SYTL1: variants seen among roughly 807,000 people sequenced by gnomAD.
The protein encoded by SYTL1 is synaptotagmin like 1.
SYTL1 carries 53 observed loss-of-function variants against 74.6 expected under a neutral mutation model. That is an observed-to-expected ratio of 0.71 (90% CI 0.57 to 0.89). The LOEUF (loss-of-function observed/expected upper bound fraction) is 0.89, where lower values mean the gene tolerates loss of function less well. SYTL1 is among the 40% of genes least tolerant of loss of function. The probability of loss-of-function intolerance (pLI) is 0.00; values close to 1 mark genes in which losing one functional copy is unlikely to be tolerated. For missense variants in SYTL1, 728 were observed against 768.7 expected, an observed-to-expected ratio of 0.95 and a Z score of 0.63; for synonymous variants, 329 against 324.9, an observed-to-expected ratio of 1.01 and a Z score of -0.14.
chr1:27,344,265 G>A (rs1024568106), intron 1 of SYTL1, among the ~76,000 whole-genome samples: 1 of 151,980 alleles, frequency 6.6e-6, no homozygotes, highest in Non-Finnish European at 1.5e-5. Flanking sequence ...CACCATGCCC[G>A]GCTAATTTTG....
intron 1 of SYTL1, among the ~76,000 whole-genome samples, chr1:27,344,059 T>C (rs2014892111): frequency 6.6e-6 from 1 of 152,052 alleles, no homozygotes. Context: ...GCTTCCCAAG[T>C]AGCTGGAATT....
Position 27,350,214 on chromosome 1 carries a change from T to C in SYTL1, c.908+82T>C. 1 of 1,482,314 alleles carries C rather than the reference T, an allele frequency of 6.7e-7. No individual in the cohort carries two copies. Among genetic ancestry groups the C allele is most frequent in the East Asian group, 2.5e-5 (1 of 40,408 alleles). The allele number at this position is 1,482,314 out of a possible 1,614,324, so 91.8% of individuals were successfully genotyped here. ...CAGGGTCTCGGCCTCCTCGTCCTCA[T>C]CTTCAAAATGGGAACAACAGCGTTA... On this transcript the variant is annotated intron_variant, in intron 9 of 14. Coordinates refer to ENST00000616558, the MANE Select transcript of SYTL1 (RefSeq NM_001193308.2). The surrounding 1 kb of genome is among the most constrained non-coding windows in gnomAD (Gnocchi z 6.3).
chr1:27,353,732 G>A lies in SYTL1; in HGVS notation c.1569G>A (p.Gln523=). 2.5e-6 allele frequency: 4 copies of A among 1,613,884 alleles called. No homozygotes were observed. Among genetic ancestry groups the A allele is most frequent in the Non-Finnish European group, 3.4e-6 (4 of 1,179,932 alleles). The change falls in exon 15 of 15, where the codon CAG becomes CAA. Residue 523 remains glutamine (Q), a synonymous_variant. Coordinates refer to ENST00000616558, the MANE Select transcript of SYTL1 (RefSeq NM_001193308.2). ...ATCCAGGCAGCAGCTATGGGCTGCA[G>A]GTGCCCTGGATGGATTCCACACCTG... The part of the protein sequence containing the change: ...SLGTGSSYGL[Q]VPWMDSTPEE...
chr1:27,347,539 G>A lies in SYTL1; in HGVS notation c.310G>A (p.Ala104Thr). ...CCACTTCGGCTCTGACCTTGTCCGAGCGTCTATGCGCAGGAAGAAGAGCAC... is the reference window on the plus strand; with the variant it reads ...CCACTTCGGCTCTGACCTTGTCCGAACGTCTATGCGCAGGAAGAAGAGCAC... ...NAHFGSDLVR[A>T]SMRRKKSTRG... The change falls in exon 3 of 15, where the codon GCG becomes ACG. Residue 104 changes from alanine (A) to threonine (T), a missense_variant. Physicochemically the swap from Ala to Thr is moderately conservative, Grantham distance 58. Coordinates refer to ENST00000616558, the MANE Select transcript of SYTL1 (RefSeq NM_001193308.2). The surrounding 1 kb of genome is among the most constrained non-coding windows in gnomAD (Gnocchi z 4.9). 1 of 1,614,096 alleles carries A rather than the reference G, an allele frequency of 6.2e-7. No homozygotes were observed. The highest frequency in any genetic ancestry group is 8.5e-7 in the Non-Finnish European group (1 of 1,180,044).
rs991657043 is a variant in SYTL1 at position 27,345,500 on chromosome 1, C to T, written c.166C>T (p.Arg56Cys). Residue 56 changes from arginine to cysteine, a missense_variant, in exon 2 of 15, where the codon CGC (arginine) becomes TGC (cysteine). By Grantham distance (180) the Arg-to-Cys change is radical. Transcript: ENST00000616558. This position sits in a 1 kb window ranked among gnomAD's most constrained non-coding sequence, Gnocchi z 6.0. Reference protein sequence around the residue: ...AGVLQRDARLRQLEEGRVSKL... With the variant: ...AGVLQRDARLCQLEEGRVSKL... Reference sequence around the variant, plus strand: ...CGTCCTCCAACGAGATGCCCGCCTGCGCCAGCTGGAGGAGGGGCGGGTCAG... The same window carrying T: ...CGTCCTCCAACGAGATGCCCGCCTGTGCCAGCTGGAGGAGGGGCGGGTCAG... 1.5e-5 allele frequency: 23 copies of T among 1,556,726 alleles called. No individual in the cohort carries two copies. Among genetic ancestry groups the T allele is most frequent in the South Asian group, 2.4e-5 (2 of 84,284 alleles).
In SYTL1 at chr1:27,343,133, C is replaced by T. The variant is rs45559839; in HGVS notation, c.-39+983C>T. ...CGCCGGTCTCAGCCCCACCTGGAGC[C>T]GTGGCAATGGAAGGGGCGGGGAAGA... is the stretch of plus-strand genomic sequence containing the variant. On this transcript the variant is annotated intron_variant, in intron 1 of 14. Coordinates refer to ENST00000616558, the MANE Select transcript of SYTL1 (RefSeq NM_001193308.2). The surrounding 1 kb of genome is among the most constrained non-coding windows in gnomAD (Gnocchi z 5.2). 4,847 of 152,662 alleles carry T rather than the reference C, an allele frequency of 0.032. 97 individuals carry two copies. Among genetic ancestry groups the T allele is most frequent in the Middle Eastern group, 0.047 (14 of 296 alleles). The allele number at this position is 152,662 out of a possible 1,614,324, so 9.5% of individuals were successfully genotyped here.
rs1337422313 is a variant in SYTL1 at position 27,350,130 on chromosome 1, C to T, written c.906C>T (p.Asp302=). 18 of 1,394,104 alleles carry T rather than the reference C, an allele frequency of 1.3e-5. No individual in the cohort carries two copies. In the Admixed American group the frequency reaches 3.3e-4, roughly 26 times the overall value. 86.4% of individuals were successfully genotyped at this position (1,394,104 alleles called of 1,614,324 possible). A position where few individuals can be genotyped will look rare whatever the true frequency, so the allele number is the denominator to read the frequency against. The change falls in exon 9 of 15, where the codon GAC becomes GAT. Residue 302 remains aspartate (D), a splice_region_variant and synonymous_variant. Coordinates refer to ENST00000616558, the MANE Select transcript of SYTL1 (RefSeq NM_001193308.2). This position sits in a 1 kb window ranked among gnomAD's most constrained non-coding sequence, Gnocchi z 6.3. ...CCGCCGCCCGGCGCCGCCGCTCGGA[C>T]CCGTGAGTGCCCCGCCGGCCAAGCG... ...GLAAARRRRS[D]PYVKSYLLPD...
In SYTL1 at chr1:27,347,839, T is replaced by C; in HGVS notation, c.372T>C (p.Ala124=). The stretch of plus-strand genomic sequence containing the variant: ...AGGCTCCAGGCCACGACAGGGAGGC[T>C]GAGGCTGCTGTGAAAGAGAAGGAAG... ...GDQAPGHDRE[A]EAAVKEKEEG... The change falls in exon 4 of 15, where the codon GCT becomes GCC. Residue 124 remains alanine, a synonymous_variant. Transcript: ENST00000616558. This position sits in a 1 kb window ranked among gnomAD's most constrained non-coding sequence, Gnocchi z 4.9. 1 of 1,613,994 alleles carries C rather than the reference T, an allele frequency of 6.2e-7. No individual in the cohort carries two copies. The highest frequency in any genetic ancestry group is 1.1e-5 in the South Asian group (1 of 91,074).
chr1:27,345,735 C>T lies in SYTL1; in HGVS notation c.191+210C>T, dbSNP rs920152563. 1.7e-4 allele frequency among the ~76,000 whole-genome samples: 26 copies of T among 152,142 alleles called. No individual in the cohort carries two copies. The highest frequency in any genetic ancestry group is 3.4e-4 in the Non-Finnish European group (23 of 68,010). ...CCAGCCTCCCTGCCTCCAGGCTTGC[C>T]TCTTGGGCCCACCTCCTGCAGCTGG... On this transcript the variant is annotated intron_variant, in intron 2 of 14. Transcript: ENST00000616558. This position sits in a 1 kb window ranked among gnomAD's most constrained non-coding sequence, Gnocchi z 6.0.
At position 27,351,894 on chromosome 1, in the gene SYTL1, C is replaced by T. The variant is rs1163969792; in HGVS notation, c.1343+339C>T. 8.6e-6 allele frequency: 2 copies of T among 233,860 alleles called. No individual in the cohort carries two copies. Among genetic ancestry groups the T allele is most frequent in the African/African-American group, 4.5e-5 (2 of 44,146 alleles). The allele number at this position is 233,860 out of a possible 1,614,324, so 14.5% of individuals were successfully genotyped here. A position where few individuals can be genotyped will look rare whatever the true frequency, so the allele number is the denominator to read the frequency against. ...GCTTCTAGGGGACTTCTAGGGGTGCCTCCAGGTGCTGCCCCCACTGTTAGA... is the reference window on the plus strand; with the variant it reads ...GCTTCTAGGGGACTTCTAGGGGTGCTTCCAGGTGCTGCCCCCACTGTTAGA... On this transcript the variant is annotated intron_variant, in intron 13 of 14. Transcript: ENST00000616558. This position sits in a 1 kb window ranked among gnomAD's most constrained non-coding sequence, Gnocchi z 5.0.
rs1375923613 is a variant in SYTL1, at chr1:27,350,261, G to A, written c.909-128G>A. The stretch of plus-strand genomic sequence containing the variant: ...GTTATTGGGAGGCGTGCGATTAAGC[G>A]AGACAATCCCTGTAAAGCGCTTAGC... On this transcript the variant is annotated intron_variant, in intron 9 of 14. Transcript: ENST00000616558. This position sits in a 1 kb window ranked among gnomAD's most constrained non-coding sequence, Gnocchi z 6.3. 36 of 1,491,282 alleles carry A rather than the reference G, an allele frequency of 2.4e-5. No individual in the cohort carries two copies. The highest frequency in any genetic ancestry group is 1.4e-4 in the East Asian group (6 of 43,942). 92.4% of individuals were successfully genotyped at this position (1,491,282 alleles called of 1,614,324 possible). A position where few individuals can be genotyped will look rare whatever the true frequency, so the allele number is the denominator to read the frequency against.
Position 27,350,512 on chromosome 1 carries a change from C to G in SYTL1, c.1005+27C>G, listed in dbSNP as rs754810159. ...TGAGGCTGTGACCACGATGCGGTTC[C>G]CCGTTAATGAACTGGACGCCCCCTT... On this transcript the variant is annotated intron_variant, in intron 10 of 14. Transcript: ENST00000616558. The surrounding 1 kb of genome is among the most constrained non-coding windows in gnomAD (Gnocchi z 6.3). 6.3e-7 allele frequency: 1 copy of G among 1,578,404 alleles called. No individual in the cohort carries two copies. The highest frequency in any genetic ancestry group is 1.1e-5 in the South Asian group (1 of 90,262).
In SYTL1 at chr1:27,349,429, C is replaced by G; in HGVS notation, c.564C>G (p.Ala188=). The G allele has an allele frequency of 6.9e-7, 1 of 1,453,132 alleles. No individual in the cohort carries two copies. The allele number at this position is 1,453,132 out of a possible 1,614,324, so 90.0% of individuals were successfully genotyped here. A position where few individuals can be genotyped will look rare whatever the true frequency, so the allele number is the denominator to read the frequency against. ...GCCAAGGAGACCAACAGGTCTGTGC[C>G]GAGGAGGCTGACCCGGAGCTGGAGC... ...DPGQGDQQVC[A]EEADPELEPA... is the part of the protein sequence containing the mutation. Residue 188 remains alanine (A), a synonymous_variant, in exon 7 of 15, where the codon GCC becomes GCG. Transcript: ENST00000616558.
Position 27,350,524 on chromosome 1 carries a change from C to T in SYTL1, c.1005+39C>T. On this transcript the variant is annotated intron_variant, in intron 10 of 14. Transcript: ENST00000616558. This position sits in a 1 kb window ranked among gnomAD's most constrained non-coding sequence, Gnocchi z 6.3. ...CACGATGCGGTTCCCCGTTAATGAA[C>T]TGGACGCCCCCTTCCTGCGGGGCTA... 2 of 1,534,334 alleles carry T rather than the reference C, an allele frequency of 1.3e-6. No individual in the cohort carries two copies. Among genetic ancestry groups the T allele is most frequent in the Non-Finnish European group, 1.8e-6 (2 of 1,114,760 alleles).
chr1:27,349,080 G>T lies in SYTL1; in HGVS notation c.460G>T (p.Gly154Ter). The T allele has an allele frequency of 1.2e-6, 2 of 1,612,974 alleles. No homozygotes were observed. Among genetic ancestry groups the T allele is most frequent in the East Asian group, 2.2e-5 (1 of 44,858 alleles). The change falls in exon 6 of 15, where the codon GGA (glycine) becomes TGA (stop). Residue 154 changes from glycine (G) to a stop codon, truncating the protein, a stop_gained and splice_region_variant. Coordinates refer to ENST00000616558, the MANE Select transcript of SYTL1 (RefSeq NM_001193308.2). LOFTEE classifies it high-confidence loss of function. ...APQERLRETEGPDFPSPSVPL... is the reference protein window; with the variant it reads ...APQERLRETE ...GACCTCTACCCCTTTCTTCCTTCAG[G>T]GACCTGATTTCCCATCGCCTTCTGT...
In SYTL1 at chr1:27,349,715, G is replaced by A. The variant is rs749804940; in HGVS notation, c.697G>A (p.Asp233Asn). 1 of 1,610,826 alleles carries A rather than the reference G, an allele frequency of 6.2e-7. No homozygotes were observed. The highest frequency in any genetic ancestry group is 1.1e-5 in the South Asian group (1 of 90,892). The change falls in exon 8 of 15, where the codon GAC becomes AAC. Residue 233 changes from aspartate to asparagine, a missense_variant. Physicochemically the swap from Asp to Asn is conservative, Grantham distance 23. Coordinates refer to ENST00000616558, the MANE Select transcript of SYTL1 (RefSeq NM_001193308.2). ...GGCCCCGGGGCCCGACCCCTCTCTC[G>A]ACCGCATGCTCAGCAGCAGCTCCTC... is the stretch of plus-strand genomic sequence containing the variant. ...EEAPGPDPSL[D>N]RMLSSSSSVS... is the part of the protein sequence containing the mutation.
chr1:27,350,145 C>T lies in SYTL1; in HGVS notation c.908+13C>T. On this transcript the variant is annotated intron_variant, in intron 9 of 14. Coordinates refer to ENST00000616558, the MANE Select transcript of SYTL1 (RefSeq NM_001193308.2). This position sits in a 1 kb window ranked among gnomAD's most constrained non-coding sequence, Gnocchi z 6.3. Reference sequence around the variant, plus strand: ...GCCGCTCGGACCCGTGAGTGCCCCGCCGGCCAAGCGGGGCGCGGCTGTCAC... The same window carrying T: ...GCCGCTCGGACCCGTGAGTGCCCCGTCGGCCAAGCGGGGCGCGGCTGTCAC... 2 of 1,400,016 alleles carry T rather than the reference C, an allele frequency of 1.4e-6. No individual in the cohort carries two copies. Among genetic ancestry groups the T allele is most frequent in the South Asian group, 1.6e-5 (1 of 61,836 alleles). 86.7% of individuals were successfully genotyped at this position (1,400,016 alleles called of 1,614,324 possible). A position where few individuals can be genotyped will look rare whatever the true frequency, so the allele number is the denominator to read the frequency against.
chr1:27,349,908 G>T, intron 8 of SYTL1, 64 bp from the exon 9 acceptor site: 3 of 1,546,186 alleles, frequency 1.9e-6, no homozygotes, highest in Non-Finnish European at 8.7e-7. Context: ...AAGCCTCCGC[G>T]CTGCCCGCGG....
In SYTL1 at chr1:27,346,787, T is replaced by C. The variant is rs75263793; in HGVS notation, c.192-634T>C. 8.0e-3 allele frequency among the ~76,000 whole-genome samples: 1,202 copies of C among 150,950 alleles called. 10 individuals carry two copies. Among genetic ancestry groups the C allele is most frequent in the African/African-American group, 0.028 (1,136 of 41,034 alleles). ...AAAAAAAATAATAAAATTAAAAGTA[T>C]AATAATTATTATCCTTCTCTACCTG... On this transcript the variant is annotated intron_variant, in intron 2 of 14. Transcript: ENST00000616558.
Sources: allele counts gnomAD v4.1 joint callset (sites outside exome capture counted in the v4.1 genomes callset), GRCh38; gene constraint gnomAD v4.1.1; non-coding constraint Gnocchi (gnomAD v3.1); transcripts MANE v1.5; gene names NCBI Gene and HGNC (gene_info 2026-07-23, HGNC 2026-07-21).